The following BICD1 variants were observed in gnomAD, a reference collection of about 807,000 sequenced individuals.
BICD1 encodes the protein protein bicaudal D homolog 1.
Under a neutral mutation model 92.5 loss-of-function variants are expected in BICD1, and 35 were observed. That is an observed-to-expected ratio of 0.38 (90% CI 0.29 to 0.50). The LOEUF (loss-of-function observed/expected upper bound fraction) is 0.50. Ranked by LOEUF, BICD1 falls within the 20% of genes least tolerant of loss-of-function variation. BICD1 has a pLI of 0.93. For synonymous variants in BICD1, 429 were observed against 465.1 expected (o/e 0.92, Z 1.00); for missense variants, 950 against 1,189.8 (o/e 0.80, Z 2.97).
intron 2 of BICD1, among the ~76,000 whole-genome samples, chr12:32,280,352 A>G (rs1033724744): frequency 2.0e-5 from 3 of 152,360 alleles, no homozygotes; most frequent in East Asian, 3.9e-4. Context: ...TAGTAAACTT[A>G]TATATCTTTT....
intron 8 of BICD1, chr12:32,340,386 T>G (rs1001136987): frequency 1.3e-5 from 13 of 985,290 alleles, no homozygotes; most frequent in Non-Finnish European, 1.2e-5. Flanking sequence ...GAAGGTACCT[T>G]GAAGTATTCT....
chr12:32,224,456 G>A (rs1033935175), intron 2 of BICD1, among the ~76,000 whole-genome samples: 1 of 152,214 alleles, frequency 6.6e-6, no homozygotes, highest in Non-Finnish European at 1.5e-5. Flanking sequence ...TTCCACAGGA[G>A]AGAGCTCTAT....
At chr12:32,250,543 A>G (rs547002130) in intron 2 of BICD1, among the ~76,000 whole-genome samples, 16 of 152,320 alleles carry the variant, frequency 1.1e-4, no homozygotes, top group African/African-American at 3.9e-4. Context: ...TTGAATGCTC[A>G]GGGATGAAAA....
At chr12:32,217,039 T>C (rs1298874606) in intron 2 of BICD1, among the ~76,000 whole-genome samples, 1 of 152,214 alleles carries the variant, frequency 6.6e-6, no homozygotes, top group African/African-American at 2.4e-5. Context: ...TCAGTATTCC[T>C]TGTTAGCTTT....
chr12:32,282,834 G>GC (rs1947457311), intron 2 of BICD1, among the ~76,000 whole-genome samples: 1 of 152,170 alleles, frequency 6.6e-6, no homozygotes, highest in African/African-American at 2.4e-5. Context: ...TACAGAGGTG[G>GC]CCACCGATCC....
chr12:32,241,647 T>C (rs1946238230), intron 2 of BICD1, among the ~76,000 whole-genome samples: 1 of 152,186 alleles, frequency 6.6e-6, no homozygotes. Context: ...CTGTCTGAAA[T>C]TGAGTAGAGG....
intron 1 of BICD1, among the ~76,000 whole-genome samples, chr12:32,116,498 CTCTCTCTCTCTCTATATATA>C (rs1592321098): frequency 2.8e-5 from 2 of 70,620 alleles, no homozygotes; most frequent in Admixed American, 1.6e-4. Context: ...CTCTTTCTCT[CTCTCTCTCTCTCTATATATA>C]TATATATATA....
intron 3 of BICD1, among the ~76,000 whole-genome samples, chr12:32,296,321 G>A (rs1316771548): frequency 1.4e-5 from 2 of 138,968 alleles, no homozygotes; most frequent in Admixed American, 1.5e-4. Context: ...GCAGTGGCGC[G>A]ATCTTGGCTC....
intron 2 of BICD1, among the ~76,000 whole-genome samples, chr12:32,270,116 C>T (rs1455748470): frequency 9.6e-6 from 1 of 103,676 alleles, no homozygotes; most frequent in Non-Finnish European, 2.0e-5. Context: ...GCCAGACTCC[C>T]TCTAAAAAAA....
At chr12:32,229,175 C>T (rs1445940807) in intron 2 of BICD1, among the ~76,000 whole-genome samples, 4 of 152,072 alleles carry the variant, frequency 2.6e-5, no homozygotes, top group African/African-American at 7.2e-5. Context: ...TGCTTGAACC[C>T]GGGAGGTGGA....
At chr12:32,135,797 G>A (rs780618820) in intron 1 of BICD1, among the ~76,000 whole-genome samples, 10 of 151,980 alleles carry the variant, frequency 6.6e-5, no homozygotes, top group Non-Finnish European at 1.0e-4. Context: ...TACATCATCT[G>A]TCACTTACCT....
Position 32,151,988 on chromosome 12 carries a change from G to T in BICD1, c.213+44444G>T, listed in dbSNP as rs547049549. Among the ~76,000 whole-genome samples, 135 of 152,086 alleles carry T rather than the reference G, an allele frequency of 8.9e-4. 1 individual carries two copies. The highest frequency in any genetic ancestry group is 1.2e-3 in the Non-Finnish European group (82 of 67,972). On this transcript the variant is annotated intron_variant, in intron 1 of 9. Transcript: ENST00000652176. Reference sequence around the variant, plus strand: ...TTTTTGTTTTTTGAGACAGAGTCTCGCTGTGTCTCCCAGGCTGGAGTGTAG... The same window carrying T: ...TTTTTGTTTTTTGAGACAGAGTCTCTCTGTGTCTCCCAGGCTGGAGTGTAG...
intron 8 of BICD1, among the ~76,000 whole-genome samples, chr12:32,351,558 A>G: frequency 9.7e-6 from 1 of 102,702 alleles, no homozygotes; most frequent in East Asian, 2.5e-4. Flanking sequence ...ACTTATATGA[A>G]AATACATAAT....
intron 4 of BICD1, among the ~76,000 whole-genome samples, chr12:32,320,808 T>C (rs558703353): frequency 6.6e-6 from 1 of 152,284 alleles, no homozygotes; most frequent in African/African-American, 2.4e-5. Flanking sequence ...AACAACCAGC[T>C]CTGCTGTGAA....
At chr12:32,190,499 A>G (rs1347412931) in intron 1 of BICD1, among the ~76,000 whole-genome samples, 1 of 152,260 alleles carries the variant, frequency 6.6e-6, no homozygotes, top group African/African-American at 2.4e-5. Context: ...CACAGAAGAC[A>G]AAGAAGATCA....
chr12:32,342,117 CAT>C lies in BICD1; in HGVS notation c.2764+3145_2764+3146del, dbSNP rs1274392678. Among the ~76,000 whole-genome samples, 3 of 82,268 alleles carry C rather than the reference CAT, an allele frequency of 3.6e-5. No homozygotes were observed. In the East Asian group the frequency reaches 1.1e-3, roughly 30 times the overall value. The allele number at this position is 82,268 out of a possible 152,430, so 54.0% of individuals were successfully genotyped here. ...AATGTTTTTGATAAGCATTGTTTTA[CAT>C]ATATATGTATATATATATGTGTGTA... On this transcript the variant is annotated intron_variant, in intron 8 of 9. Transcript: ENST00000652176.
chr12:32,360,766 T>A (rs572989398), intron 8 of BICD1, among the ~76,000 whole-genome samples: 50 of 152,340 alleles, frequency 3.3e-4, no homozygotes, highest in Non-Finnish European at 5.4e-4. Flanking sequence ...AATATGGTCT[T>A]CACTTAGCCT....
intron 1 of BICD1, among the ~76,000 whole-genome samples, chr12:32,152,154 G>A (rs868054320): frequency 3.9e-4 from 59 of 151,854 alleles, no homozygotes; most frequent in Middle Eastern, 3.4e-3. Flanking sequence ...ATGGGGTTTC[G>A]CCATGTTGCC....
At chr12:32,152,611 T>G (rs938932704) in intron 1 of BICD1, among the ~76,000 whole-genome samples, 2 of 152,192 alleles carry the variant, frequency 1.3e-5, no homozygotes, top group African/African-American at 4.8e-5. Flanking sequence ...TTGCTTCTGG[T>G]CCATTCTTCT....
Sources: gnomAD v4.1 joint callset for allele counts (sites outside exome capture counted in the v4.1 genomes callset) on GRCh38, gnomAD v4.1.1 for gene constraint, MANE v1.5 for transcripts, NCBI Gene and HGNC (gene_info 2026-07-23, HGNC 2026-07-21) for gene names.